The following NTM variants were observed in gnomAD, a reference collection of about 807,000 sequenced individuals.
NTM encodes the protein neurotrimin.
NTM carries 13 observed loss-of-function variants against 42.1 expected under a neutral mutation model. The observed-to-expected ratio is 0.31, with a 90% CI of 0.20 to 0.49. The LOEUF is 0.49. NTM is among the 20% of genes least tolerant of loss of function. The pLI is 0.99. For missense variants in NTM, 373 were observed against 452.8 expected (o/e 0.82, Z 1.60); for synonymous variants, 187 against 179.2 (o/e 1.04, Z -0.35).
intron 1 of NTM, among the ~76,000 whole-genome samples, chr11:131,826,193 C>T (rs897204147): frequency 6.6e-6 from 1 of 152,036 alleles, no homozygotes. Context: ...GGGGCATGAT[C>T]ACAATTTAGA....
At chr11:131,877,727 A>G (rs1407248128) in intron 1 of NTM, 2 of 152,246 alleles carry the variant, frequency 1.3e-5, no homozygotes, top group Admixed American at 6.5e-5. Flanking sequence ...AATAACTCGT[A>G]TATGTTTCAT....
intron 2 of NTM, among the ~76,000 whole-genome samples, chr11:132,143,665 C>T (rs1318018084): frequency 2.0e-5 from 3 of 152,278 alleles, no homozygotes; most frequent in Admixed American, 6.5e-5. Flanking sequence ...CCAGTCCCTG[C>T]TTGGACCCAA....
chr11:132,257,817 C>G (rs758348955), intron 4 of NTM, among the ~76,000 whole-genome samples: 1 of 152,190 alleles, frequency 6.6e-6, no homozygotes, highest in Non-Finnish European at 1.5e-5. Context: ...CATTGCCTCT[C>G]TTTATAAAAG....
At chr11:131,911,185 C>A in intron 1 of NTM, 1 of 1,352,604 alleles carries the variant, frequency 7.4e-7, no homozygotes. Context: ...CTTTCACCTG[C>A]CGCGCGCTTC....
At chr11:131,771,128 C>G (rs528643985) in intron 1 of NTM, 1 of 151,996 alleles carries the variant, frequency 6.6e-6, no homozygotes, top group African/African-American at 2.4e-5. Context: ...AAAAAAAGTT[C>G]GGCCATAAAA....
intron 1 of NTM, among the ~76,000 whole-genome samples, chr11:131,517,249 T>C (rs2049006600): frequency 6.6e-6 from 1 of 152,176 alleles, no homozygotes; most frequent in Admixed American, 6.5e-5. Context: ...TGGCAAAAGA[T>C]TCTGAATAAT....
chr11:131,794,625 G>GAATA, intron 1 of NTM: 1 of 970,276 alleles, frequency 1.0e-6, no homozygotes, highest in South Asian at 4.8e-5. Flanking sequence ...GATGAGTGTT[G>GAATA]AATGAATGAA....
intron 1 of NTM, among the ~76,000 whole-genome samples, chr11:131,760,822 G>C (rs2084050245): frequency 6.6e-6 from 1 of 152,194 alleles, no homozygotes; most frequent in African/African-American, 2.4e-5. Context: ...AAGGAAACCT[G>C]TTCCAGGGGA....
intron 2 of NTM, among the ~76,000 whole-genome samples, chr11:132,034,729 C>A (rs372110482): frequency 6.6e-6 from 1 of 152,210 alleles, no homozygotes; most frequent in Non-Finnish European, 1.5e-5. Flanking sequence ...AATGACCTCC[C>A]TGCTCCTGCA....
At chr11:131,748,290 C>T (rs1005017390) in intron 1 of NTM, among the ~76,000 whole-genome samples, 5 of 152,204 alleles carry the variant, frequency 3.3e-5, no homozygotes, top group African/African-American at 1.2e-4. Flanking sequence ...GCCACGCAGT[C>T]ACCAGGACTG....
intron 1 of NTM, among the ~76,000 whole-genome samples, chr11:131,505,411 T>C (rs2047364005): frequency 6.6e-6 from 1 of 152,218 alleles, no homozygotes; most frequent in African/African-American, 2.4e-5. Context: ...CAGCATTACC[T>C]GGGAATAGTT....
At chr11:131,590,546 CT>C (rs2059272846) in intron 1 of NTM, among the ~76,000 whole-genome samples, 1 of 152,222 alleles carries the variant, frequency 6.6e-6, no homozygotes, top group South Asian at 2.1e-4. Context: ...CAGGTGTCCC[CT>C]GCACGACAAG....
At chr11:132,321,981 G>A (rs1249845256) in intron 7 of NTM, among the ~76,000 whole-genome samples, 10 of 151,158 alleles carry the variant, frequency 6.6e-5, no homozygotes, top group African/African-American at 2.2e-4. Context: ...CAAATGCTGA[G>A]AGATTTTGTC....
chr11:131,721,405 G>C (rs1028825503), intron 1 of NTM, among the ~76,000 whole-genome samples: 1 of 152,082 alleles, frequency 6.6e-6, no homozygotes, highest in Non-Finnish European at 1.5e-5. Context: ...TTCATCTGTA[G>C]CATGGGGATA....
intron 1 of NTM, among the ~76,000 whole-genome samples, chr11:131,906,066 A>T (rs2053812112): frequency 6.6e-6 from 1 of 152,196 alleles, no homozygotes; most frequent in South Asian, 2.1e-4. Flanking sequence ...ATAGCACTAG[A>T]CGACACGCAA....
intron 2 of NTM, among the ~76,000 whole-genome samples, chr11:132,071,294 CACA>C (rs2057623067): frequency 8.5e-6 from 1 of 118,214 alleles, no homozygotes; most frequent in African/African-American, 3.8e-5. Flanking sequence ...TAACACGTCA[CACA>C]GCCAAGTTAA....
At chr11:132,091,521 C>A (rs756761245) in intron 2 of NTM, among the ~76,000 whole-genome samples, 5 of 147,532 alleles carry the variant, frequency 3.4e-5, no homozygotes, top group Non-Finnish European at 5.9e-5. Flanking sequence ...CACTCTGTCA[C>A]CCAGGCTGGA....
chr11:132,140,265 G>A (rs749651423), intron 2 of NTM, among the ~76,000 whole-genome samples: 3 of 152,108 alleles, frequency 2.0e-5, no homozygotes, highest in African/African-American at 4.8e-5. Flanking sequence ...ACCTCCTAGC[G>A]GTGTGGGACT....
chr11:131,524,159 C>T (rs537211524), intron 1 of NTM, among the ~76,000 whole-genome samples: 1 of 152,340 alleles, frequency 6.6e-6, no homozygotes, highest in Admixed American at 6.5e-5. Context: ...TGCCTGGTGA[C>T]TGGGCTGGTC....
Sources: allele counts gnomAD v4.1 joint callset (sites outside exome capture counted in the v4.1 genomes callset), GRCh38; gene constraint gnomAD v4.1.1; transcripts MANE v1.5; gene names NCBI Gene and HGNC (gene_info 2026-07-23, HGNC 2026-07-21).